The following SLC25A48 variants were observed in gnomAD, a reference collection of about 807,000 sequenced individuals.
SLC25A48 encodes the protein CTC-321K16.1.
A neutral mutation model predicts 32.2 loss-of-function variants in SLC25A48; 29 were observed. The observed-to-expected ratio is 0.90, with a 90% CI of 0.67 to 1.23. SLC25A48 has a LOEUF of 1.23. SLC25A48 is among the 50% of genes most tolerant of loss of function. SLC25A48 has a pLI of 0.00. For synonymous variants in SLC25A48, 164 were observed against 172.3 expected, an observed-to-expected ratio of 0.95 and a Z score of 0.38; for missense variants, 399 against 422.7, an observed-to-expected ratio of 0.94 and a Z score of 0.49.
chr5:135,770,746 T>G (rs1391496434), intron 3 of SLC25A48, among the ~76,000 whole-genome samples: 1 of 151,466 alleles, frequency 6.6e-6, no homozygotes, highest in Non-Finnish European at 1.5e-5. Context: ...CCTGTGGCAT[T>G]GTTCCTAATA....
chr5:135,777,247 A>G (rs1414426109), intron 3 of SLC25A48, among the ~76,000 whole-genome samples: 5 of 151,752 alleles, frequency 3.3e-5, no homozygotes, highest in African/African-American at 9.7e-5. Flanking sequence ...CTCCTGTCAT[A>G]TTGTTTCTAA....
At chr5:135,590,989 A>C (rs551114706) in intron 1 of SLC25A48, among the ~76,000 whole-genome samples, 1 of 152,308 alleles carries the variant, frequency 6.6e-6, no homozygotes, top group Admixed American at 6.5e-5. Flanking sequence ...TCCTGACTCT[A>C]AGGCTCATGT....
At chr5:135,851,689 T>C (rs1420406590) in intron 3 of SLC25A48, among the ~76,000 whole-genome samples, 5 of 152,220 alleles carry the variant, frequency 3.3e-5, no homozygotes, top group African/African-American at 1.2e-4. Flanking sequence ...AGTGGGTTTG[T>C]GCACAGCCTG....
In SLC25A48 at chr5:135,850,421, A is replaced by G. The variant is rs1349594050; in HGVS notation, c.91-4A>G. 3 of 1,614,164 alleles carry G rather than the reference A, an allele frequency of 1.9e-6. No individual in the cohort carries two copies. Among genetic ancestry groups the G allele is most frequent in the Non-Finnish European group, 1.7e-6 (2 of 1,180,020 alleles). On this transcript the variant is annotated splice_region_variant and splice_polypyrimidine_tract_variant and intron_variant, in intron 2 of 7. Coordinates refer to ENST00000681962, the MANE Select transcript of SLC25A48 (RefSeq NM_001349336.2). ...CTGACCCATGTCCTTGCCTCTCTCC[A>G]TAGACTCGCCTGCAGGCTGGCGTTG...
At chr5:135,657,167 A>T (rs1753270905) in intron 3 of SLC25A48, among the ~76,000 whole-genome samples, 2 of 152,074 alleles carry the variant, frequency 1.3e-5, no homozygotes, top group South Asian at 2.1e-4. Flanking sequence ...CTATTGACCA[A>T]CCCTGTAATT....
chr5:135,596,478 G>A (rs1366010399), intron 1 of SLC25A48, among the ~76,000 whole-genome samples: 2 of 152,186 alleles, frequency 1.3e-5, no homozygotes, highest in African/African-American at 2.4e-5. Context: ...TCAAGACCGA[G>A]GGTTTAGCCT....
chr5:135,774,190 T>C (rs866550057), intron 3 of SLC25A48, among the ~76,000 whole-genome samples: 38 of 151,910 alleles, frequency 2.5e-4, no homozygotes, highest in Admixed American at 1.5e-3. Context: ...TTACTCCAAA[T>C]ATCGCAGGGG....
chr5:135,608,500 C>T (rs921820869), intron 1 of SLC25A48, among the ~76,000 whole-genome samples: 1 of 152,186 alleles, frequency 6.6e-6, no homozygotes, highest in Non-Finnish European at 1.5e-5. Context: ...GTGAGCCAGC[C>T]AATGAGGTGG....
intron 4 of SLC25A48, among the ~76,000 whole-genome samples, chr5:135,814,625 G>A (rs1321883739): frequency 2.0e-5 from 3 of 152,186 alleles, no homozygotes; most frequent in Non-Finnish European, 2.9e-5. Context: ...CACAGGCTCC[G>A]GAGTCAGAGG....
intron 3 of SLC25A48, among the ~76,000 whole-genome samples, chr5:135,758,282 A>G (rs1215776688): frequency 6.6e-6 from 1 of 150,838 alleles, no homozygotes; most frequent in Non-Finnish European, 1.5e-5. Context: ...TTAATAGGAT[A>G]TCATCTCTAT....
intron 1 of SLC25A48, among the ~76,000 whole-genome samples, chr5:135,623,447 T>G (rs901615521): frequency 2.0e-5 from 3 of 152,186 alleles, no homozygotes; most frequent in Non-Finnish European, 4.4e-5. Flanking sequence ...TACCAACATG[T>G]CTGGGGAAGG....
chr5:135,613,198 C>T (rs1403512944), intron 1 of SLC25A48, among the ~76,000 whole-genome samples: 1 of 151,966 alleles, frequency 6.6e-6, no homozygotes, highest in African/African-American at 2.4e-5. Flanking sequence ...TTTTCATATA[C>T]CTGTTGTCTA....
chr5:135,788,511 C>A (rs951637117), intron 3 of SLC25A48, among the ~76,000 whole-genome samples: 1 of 148,778 alleles, frequency 6.7e-6, no homozygotes, highest in Non-Finnish European at 1.5e-5. Flanking sequence ...GGGGTGTACA[C>A]CTCCCGCCAT....
rs78361840 is a variant in SLC25A48 at position 135,761,649 on chromosome 5, G to A, written c.-520-50874G>A. Among the ~76,000 whole-genome samples, 1,005 of 152,244 alleles carry A rather than the reference G, an allele frequency of 6.6e-3. 9 individuals are homozygous for A. Among genetic ancestry groups the A allele is most frequent in the African/African-American group, 0.023 (940 of 41,536 alleles). ...AGCTCCACCACACCACTGCTTAGAG[G>A]CCTCTCGTCCATCACCAGAAGATTG... is the stretch of plus-strand genomic sequence containing the variant. On this transcript the variant is annotated intron_variant, in intron 3 of 10. Transcript: ENST00000646290.
At chr5:135,807,465 T>C (rs1319851041) in intron 3 of SLC25A48, among the ~76,000 whole-genome samples, 5 of 150,668 alleles carry the variant, frequency 3.3e-5, no homozygotes, top group Admixed American at 6.6e-5. Context: ...ATTAATGTCA[T>C]AGTGTGTTAA....
At chr5:135,751,302 CAG>C (rs533549893) in intron 3 of SLC25A48, among the ~76,000 whole-genome samples, 73 of 152,310 alleles carry the variant, frequency 4.8e-4, no homozygotes, top group South Asian at 2.3e-3. Context: ...GCTGCTAAAA[CAG>C]ACATCCCCAA....
At chr5:135,824,368 A>C (rs2304074) in intron 4 of SLC25A48, 1 of 152,328 alleles carries the variant, frequency 6.6e-6, no homozygotes, top group Non-Finnish European at 1.5e-5. Context: ...GGAATTCAGG[A>C]TGCAGTAACA....
intron 3 of SLC25A48, among the ~76,000 whole-genome samples, chr5:135,788,690 AG>A (rs906326603): frequency 1.2e-5 from 1 of 81,056 alleles, no homozygotes; most frequent in Non-Finnish European, 2.9e-5. Context: ...TCTAATATCC[AG>A]GGGGGGAAGA....
chr5:135,719,052 T>C (rs1259760722), intron 3 of SLC25A48, among the ~76,000 whole-genome samples: 2 of 152,226 alleles, frequency 1.3e-5, no homozygotes, highest in African/African-American at 2.4e-5. Flanking sequence ...ACCATAGTTT[T>C]ACAAGATGTT....
Sources: allele counts gnomAD v4.1 joint callset (sites outside exome capture counted in the v4.1 genomes callset), GRCh38; gene constraint gnomAD v4.1.1; transcripts MANE v1.5; gene names NCBI Gene and HGNC (gene_info 2026-07-23, HGNC 2026-07-21).